The following LRMDA variants were observed in gnomAD, a reference collection of about 807,000 sequenced individuals.
LRMDA encodes leucine rich melanocyte differentiation associated.
In LRMDA, 18 loss-of-function variants were observed where a neutral mutation model predicts 29.8. That is an observed-to-expected ratio of 0.60 (90% CI 0.42 to 0.90). The LOEUF (loss-of-function observed/expected upper bound fraction) is 0.90. LRMDA is among the 40% of genes least tolerant of loss of function. LRMDA has a pLI of 0.00. For missense variants in LRMDA, 273 were observed against 273.9 expected (o/e 1.00, Z 0.02); for synonymous variants, 125 against 109.4 (o/e 1.14, Z -0.89).
At chr10:75,799,351 A>G (rs1232568265) in intron 2 of LRMDA, among the ~76,000 whole-genome samples, 2 of 152,146 alleles carry the variant, frequency 1.3e-5, no homozygotes, top group East Asian at 1.9e-4. Flanking sequence ...ACTTTGTCCA[A>G]TATCAGTGTA....
chr10:76,205,297 A>G (rs923910091), intron 5 of LRMDA, among the ~76,000 whole-genome samples: 3 of 152,140 alleles, frequency 2.0e-5, no homozygotes, highest in African/African-American at 7.2e-5. Context: ...GTCTCTCCAT[A>G]TAAAGAAGGA....
At chr10:75,553,233 A>G (rs558047401) in intron 2 of LRMDA, among the ~76,000 whole-genome samples, 3 of 152,210 alleles carry the variant, frequency 2.0e-5, no homozygotes, top group Non-Finnish European at 2.9e-5. Context: ...AGTTGAGTCA[A>G]TGCAGTCAGT....
chr10:75,468,806 T>G (rs971662438), intron 2 of LRMDA, among the ~76,000 whole-genome samples: 5 of 152,220 alleles, frequency 3.3e-5, no homozygotes, highest in African/African-American at 1.2e-4. Flanking sequence ...CCGTCCAGCC[T>G]GTGGCCTCTC....
At chr10:76,511,543 C>T (rs1843009255) in intron 6 of LRMDA, among the ~76,000 whole-genome samples, 1 of 151,892 alleles carries the variant, frequency 6.6e-6, no homozygotes, top group South Asian at 2.1e-4. Context: ...TTGCAAGATA[C>T]AAGATCAATA....
intron 5 of LRMDA, among the ~76,000 whole-genome samples, chr10:76,255,048 C>T (rs1421789238): frequency 6.6e-6 from 1 of 152,200 alleles, no homozygotes; most frequent in Non-Finnish European, 1.5e-5. Context: ...CTGATCTGCT[C>T]ATAGCCAGCA....
intron 5 of LRMDA, among the ~76,000 whole-genome samples, chr10:76,243,815 C>G (rs1230024415): frequency 6.6e-6 from 1 of 152,108 alleles, no homozygotes; most frequent in Non-Finnish European, 1.5e-5. Flanking sequence ...TGGTAGCCCC[C>G]CCAAAATATA....
At chr10:75,794,171 T>C (rs764387642) in intron 2 of LRMDA, among the ~76,000 whole-genome samples, 1 of 152,250 alleles carries the variant, frequency 6.6e-6, no homozygotes, top group Admixed American at 6.5e-5. Context: ...TCTTTTTAAA[T>C]ACAGGTAAAA....
chr10:75,989,073 C>A (rs1847313076), intron 2 of LRMDA, among the ~76,000 whole-genome samples: 1 of 152,124 alleles, frequency 6.6e-6, no homozygotes, highest in African/African-American at 2.4e-5. Context: ...AGGTTGCATG[C>A]CTTCCATTGC....
chr10:75,618,374 C>CTA (rs746802073), intron 2 of LRMDA, among the ~76,000 whole-genome samples: 7 of 93,816 alleles, frequency 7.5e-5, no homozygotes, highest in African/African-American at 1.9e-4. Context: ...CTCTCTCTCT[C>CTA]TCTCTCTCTA....
chr10:75,837,907 C>T (rs1467718339), intron 2 of LRMDA, among the ~76,000 whole-genome samples: 1 of 152,098 alleles, frequency 6.6e-6, no homozygotes, highest in East Asian at 1.9e-4. Flanking sequence ...TTAACTATGT[C>T]GCTAAGGTTT....
chr10:76,401,061 G>C (rs1413883799), intron 6 of LRMDA, among the ~76,000 whole-genome samples: 2 of 152,092 alleles, frequency 1.3e-5, no homozygotes, highest in Non-Finnish European at 2.9e-5. Flanking sequence ...TTTGGATTTT[G>C]GATTTTCAGC....
At chr10:75,708,260 C>T (rs995955734) in intron 2 of LRMDA, among the ~76,000 whole-genome samples, 1 of 152,224 alleles carries the variant, frequency 6.6e-6, no homozygotes, top group South Asian at 2.1e-4. Context: ...CTGTCAGCTT[C>T]GTCGATCTGT....
chr10:75,909,519 T>C (rs1256540665), intron 2 of LRMDA, among the ~76,000 whole-genome samples: 1 of 152,154 alleles, frequency 6.6e-6, no homozygotes, highest in East Asian at 1.9e-4. Flanking sequence ...GATGTATTTT[T>C]TTTTTTATTC....
chr10:75,694,451 T>A (rs144299768), intron 2 of LRMDA, among the ~76,000 whole-genome samples: 131 of 152,320 alleles, frequency 8.6e-4, no homozygotes, highest in African/African-American at 3.0e-3. Flanking sequence ...CATGAAATTT[T>A]TATGCATCAG....
rs1482090432 is a variant in LRMDA at position 75,447,770 on chromosome 10, C to A, written c.131+9276C>A. ...AATTAGCTGGGTGTGGTGGCATGCA[C>A]CTGTAGTTTCAGCTACTTGGGAGGC... is the stretch of plus-strand genomic sequence containing the variant. On this transcript the variant is annotated intron_variant, in intron 2 of 6. Coordinates refer to ENST00000611255, the MANE Select transcript of LRMDA (RefSeq NM_001305581.2). Among the ~76,000 whole-genome samples, 4 of 152,236 alleles carry A rather than the reference C, an allele frequency of 2.6e-5. No individual in the cohort carries two copies. In the East Asian group the frequency reaches 7.7e-4, roughly 29 times the overall value.
intron 2 of LRMDA, among the ~76,000 whole-genome samples, chr10:75,701,011 C>G (rs1361622348): frequency 2.6e-5 from 4 of 152,214 alleles, no homozygotes; most frequent in African/African-American, 9.6e-5. Context: ...GTTGGACTAA[C>G]TCATCTCCTC....
At chr10:75,844,922 C>G (rs1844606775) in intron 2 of LRMDA, among the ~76,000 whole-genome samples, 1 of 152,108 alleles carries the variant, frequency 6.6e-6, no homozygotes. Flanking sequence ...TTAAAGGGGT[C>G]ACGTCAGTTG....
intron 2 of LRMDA, among the ~76,000 whole-genome samples, chr10:75,804,507 T>A (rs1286557582): frequency 6.6e-6 from 1 of 152,134 alleles, no homozygotes; most frequent in Non-Finnish European, 1.5e-5. Context: ...ATTTCTAGAG[T>A]AAGCAGCTGT....
intron 2 of LRMDA, among the ~76,000 whole-genome samples, chr10:75,706,149 C>T (rs1445769134): frequency 6.6e-6 from 1 of 152,086 alleles, no homozygotes; most frequent in Non-Finnish European, 1.5e-5. Context: ...TTGAAGACTG[C>T]ATACTATTCT....
Sources: gnomAD v4.1 joint callset for allele counts (sites outside exome capture counted in the v4.1 genomes callset) on GRCh38, gnomAD v4.1.1 for gene constraint, MANE v1.5 for transcripts, NCBI Gene and HGNC (gene_info 2026-07-23, HGNC 2026-07-21) for gene names.